The following TSPEAR variants were observed in gnomAD, a reference collection of about 807,000 sequenced individuals.
TSPEAR encodes thrombospondin-type laminin G domain and EAR repeat-containing protein.
TSPEAR carries 69 observed loss-of-function variants against 71.6 expected under a neutral mutation model. The observed-to-expected ratio is 0.96, with a 90% CI of 0.79 to 1.18. TSPEAR has a LOEUF of 1.18. Among genes scored for constraint, TSPEAR ranks in the 50% most tolerant of loss-of-function variants. TSPEAR has a pLI of 0.00. For missense variants in TSPEAR, 971 were observed against 894.9 expected (o/e 1.09, Z -1.09); for synonymous variants, 402 against 387.2 (o/e 1.04, Z -0.45).
chr21:44,684,466 C>T (rs961506278), intron 1 of TSPEAR, among the ~76,000 whole-genome samples: 2 of 152,164 alleles, frequency 1.3e-5, no homozygotes, highest in South Asian at 2.1e-4. Flanking sequence ...CCCAGGAGTT[C>T]GAAGCTGCAG....
At chr21:44,569,066 G>C (rs1225637874) in intron 1 of TSPEAR, among the ~76,000 whole-genome samples, 2 of 152,222 alleles carry the variant, frequency 1.3e-5, no homozygotes, top group African/African-American at 4.8e-5. Context: ...CAGCTGGAGA[G>C]CAGGACTCCA....
At chr21:44,591,801 G>C in intron 1 of TSPEAR, 1 of 1,587,280 alleles carries the variant, frequency 6.3e-7, no homozygotes, top group South Asian at 1.1e-5. Flanking sequence ...CGGGCACGCA[G>C]CAGGCCTGCT....
intron 1 of TSPEAR, chr21:44,573,907 C>A: frequency 6.2e-7 from 1 of 1,613,084 alleles, no homozygotes; most frequent in Non-Finnish European, 8.5e-7. Flanking sequence ...TGCGCCCCGG[C>A]CCCCTGCCTG....
At chr21:44,529,647 C>T in intron 5 of TSPEAR, 151 bp downstream of exon 5, 2 of 859,120 alleles carry the variant, frequency 2.3e-6, no homozygotes, top group Non-Finnish European at 3.6e-6. Context: ...GAGTATCCCC[C>T]TGGCCAATAT....
At chr21:44,671,645 A>T (rs1356514769) in intron 1 of TSPEAR, among the ~76,000 whole-genome samples, 3 of 152,224 alleles carry the variant, frequency 2.0e-5, no homozygotes, top group Non-Finnish European at 4.4e-5. Flanking sequence ...TGCACCCAGA[A>T]TCATAGCTAA....
At chr21:44,548,856 T>C (rs7280667) in intron 2 of TSPEAR, among the ~76,000 whole-genome samples, 17,218 of 152,230 alleles carry the variant, frequency 0.11, 1,832 homozygotes, top group African/African-American at 0.28. Flanking sequence ...AATGCCACTT[T>C]TAGGAATTTA....
At chr21:44,637,598 G>A (rs587734913) in intron 1 of TSPEAR, 14 of 1,613,742 alleles carry the variant, frequency 8.7e-6, no homozygotes, top group Middle Eastern at 1.7e-4. Context: ...TGAGCCCAGC[G>A]CCTGCCAATC....
intron 1 of TSPEAR, among the ~76,000 whole-genome samples, chr21:44,590,430 G>A (rs1369072908): frequency 6.6e-6 from 1 of 152,142 alleles, no homozygotes; most frequent in Non-Finnish European, 1.5e-5. Context: ...GACCCTGAAA[G>A]TCTAGGCGAG....
chr21:44,501,362 G>A (rs1009019870), intron 11 of TSPEAR, among the ~76,000 whole-genome samples: 4 of 152,194 alleles, frequency 2.6e-5, no homozygotes, highest in Admixed American at 6.5e-5. Context: ...TTGGGAGGCC[G>A]AGGCGGGCAG....
chr21:44,637,368 C>T, intron 1 of TSPEAR: 3 of 1,573,200 alleles, frequency 1.9e-6, no homozygotes, highest in Non-Finnish European at 2.6e-6. Context: ...CTCACTCACA[C>T]ACTCACTCAC....
chr21:44,685,656 TG>T (rs1443537274), intron 1 of TSPEAR, among the ~76,000 whole-genome samples: 2 of 152,202 alleles, frequency 1.3e-5, no homozygotes, highest in Non-Finnish European at 2.9e-5. Flanking sequence ...GACGCCAACG[TG>T]GCTGATGTTT....
At position 44,529,889 on chromosome 21, in the gene TSPEAR, C is replaced by G. The variant is rs2145979405; in HGVS notation, c.699G>C (p.Arg233Ser). The G allele has an allele frequency of 6.2e-7, 1 of 1,613,232 alleles. No homozygotes were observed. Among genetic ancestry groups the G allele is most frequent in the East Asian group, 2.2e-5 (1 of 44,884 alleles). Residue 233 changes from arginine (R) to serine (S), a missense_variant, in exon 5 of 12, where the codon AGG becomes AGC. Transcript: ENST00000323084. ...TGGACAGCACCGCCAGCGGGGCGTT[C>G]CTGCTGGGACACAGCCTTGGGGTGG... is the stretch of plus-strand genomic sequence containing the variant. Reference protein sequence around the residue: ...SDATPRLCPSRNAPLAVLSIP... With the variant: ...SDATPRLCPSSNAPLAVLSIP...
chr21:44,664,023 T>A (rs1163288174), intron 1 of TSPEAR, among the ~76,000 whole-genome samples: 1 of 152,174 alleles, frequency 6.6e-6, no homozygotes, highest in African/African-American at 2.4e-5. Context: ...AAAGACTATA[T>A]GCTTTCCCCT....
At chr21:44,646,228 C>G (rs587645769) in intron 1 of TSPEAR, among the ~76,000 whole-genome samples, 1 of 149,742 alleles carries the variant, frequency 6.7e-6, no homozygotes, top group African/African-American at 2.5e-5. Context: ...GACATACATA[C>G]CAGTTTAATA....
intron 1 of TSPEAR, among the ~76,000 whole-genome samples, chr21:44,682,905 G>A (rs575730891): frequency 2.0e-4 from 31 of 152,240 alleles, no homozygotes; most frequent in African/African-American, 7.5e-4. Flanking sequence ...TGGAGAGCAG[G>A]CCCCACACTG....
chr21:44,701,946 C>T (rs186042440), intron 1 of TSPEAR, among the ~76,000 whole-genome samples: 1 of 152,334 alleles, frequency 6.6e-6, no homozygotes, highest in East Asian at 1.9e-4. Flanking sequence ...CTTCCACACT[C>T]CAGCATCTCC....
At chr21:44,699,669 C>T (rs968366687) in intron 1 of TSPEAR, among the ~76,000 whole-genome samples, 1 of 152,142 alleles carries the variant, frequency 6.6e-6, no homozygotes, top group African/African-American at 2.4e-5. Flanking sequence ...TTCTGGGATG[C>T]GTCTGTCTCA....
At chr21:44,585,148 G>A (rs1406912086) in intron 1 of TSPEAR, among the ~76,000 whole-genome samples, 3 of 152,166 alleles carry the variant, frequency 2.0e-5, no homozygotes, top group Non-Finnish European at 4.4e-5. Context: ...TTCAGAAAGC[G>A]TCATGGGTGG....
chr21:44,589,950 C>A (rs1249777078), intron 1 of TSPEAR, among the ~76,000 whole-genome samples: 2 of 152,258 alleles, frequency 1.3e-5, no homozygotes, highest in Non-Finnish European at 2.9e-5. Context: ...AACATCTCTG[C>A]CCCTGGAGGC....
Sources: gnomAD v4.1 joint callset for allele counts (sites outside exome capture counted in the v4.1 genomes callset) on GRCh38, gnomAD v4.1.1 for gene constraint, MANE v1.5 for transcripts, NCBI Gene and HGNC (gene_info 2026-07-23, HGNC 2026-07-21) for gene names.